Variants in KIF6 observed in about 807,000 individuals in gnomAD.
KIF6 encodes kinesin family member 6, also known as kinesin-like protein KIF6.
A neutral mutation model predicts 112.7 loss-of-function variants in KIF6; 106 were observed. That is an observed-to-expected ratio of 0.94 (90% CI 0.80 to 1.11). KIF6 has a LOEUF of 1.11. KIF6 is among the 50% of genes least tolerant of loss of function. The probability of loss-of-function intolerance (pLI) is 0.00; values close to 1 mark genes in which losing one functional copy is unlikely to be tolerated. For missense variants in KIF6, 929 were observed against 964.0 expected (o/e 0.96, Z 0.48); for synonymous variants, 339 against 339.9 (o/e 1.00, Z 0.03).
intron 10 of KIF6, among the ~76,000 whole-genome samples, chr6:39,573,258 A>G (rs374339393): frequency 3.9e-4 from 60 of 152,228 alleles, no homozygotes; most frequent in African/African-American, 1.4e-3. Flanking sequence ...AAGCTGATTC[A>G]CATTCCTGAA....
rs575168840 is a variant in KIF6 at position 39,652,810 on chromosome 6, C to A, written c.252-13053G>T. Reference sequence around the variant, plus strand: ...CACTTAGTAAGTGATAAGAGTAATACCAAAGTCTATTTGATTCTAAATATA... The same window carrying A: ...CACTTAGTAAGTGATAAGAGTAATAACAAAGTCTATTTGATTCTAAATATA... On this transcript the variant is annotated intron_variant, in intron 3 of 22. Transcript: ENST00000287152. Among the ~76,000 whole-genome samples, 14 of 152,166 alleles carry A rather than the reference C, an allele frequency of 9.2e-5. No homozygotes were observed. In the East Asian group the frequency reaches 2.7e-3, roughly 29 times the overall value.
intron 21 of KIF6, 74 bp downstream of exon 21, chr6:39,345,626 A>C (rs1350513537): frequency 4.0e-6 from 5 of 1,244,568 alleles, no homozygotes; most frequent in Non-Finnish European, 5.7e-6. Context: ...TTTTTCGGGG[A>C]GTAGACTGGA....
chr6:39,713,755 T>C (rs1285995150), intron 3 of KIF6, among the ~76,000 whole-genome samples: 2 of 152,176 alleles, frequency 1.3e-5, no homozygotes, highest in African/African-American at 2.4e-5. Flanking sequence ...TCTGAAATAG[T>C]TTAAGCCTAC....
chr6:39,452,435 C>T (rs192801713), intron 13 of KIF6, among the ~76,000 whole-genome samples: 14 of 152,334 alleles, frequency 9.2e-5, no homozygotes. Context: ...ATTGGGTTCA[C>T]TAATGAGCTT....
chr6:39,568,930 A>T (rs1190265960), intron 10 of KIF6, among the ~76,000 whole-genome samples: 3 of 152,176 alleles, frequency 2.0e-5, no homozygotes, highest in Non-Finnish European at 2.9e-5. Context: ...TAGATGGTTT[A>T]GACTCTTCTG....
At chr6:39,454,188 A>C (rs1772883899) in intron 13 of KIF6, among the ~76,000 whole-genome samples, 1 of 152,218 alleles carries the variant, frequency 6.6e-6, no homozygotes, top group Non-Finnish European at 1.5e-5. Flanking sequence ...TTTAAGCTTC[A>C]GACACTTTTT....
At chr6:39,579,674 A>T (rs576311583) in intron 9 of KIF6, among the ~76,000 whole-genome samples, 1 of 152,202 alleles carries the variant, frequency 6.6e-6, no homozygotes, top group South Asian at 2.1e-4. Flanking sequence ...ATATTCTTAT[A>T]TGATCTTTTA....
At position 39,607,033 on chromosome 6, in the gene KIF6, G is replaced by A. The variant is rs111535628; in HGVS notation, c.639+6156C>T. On this transcript the variant is annotated intron_variant, in intron 6 of 22. Coordinates refer to ENST00000287152, the MANE Select transcript of KIF6 (RefSeq NM_145027.6). Reference sequence around the variant, plus strand: ...ATGGCTATTTCCTTGTTTCACTGAAGATGGCTTTTTTCTCCTCTCTTTCAT... The same window carrying A: ...ATGGCTATTTCCTTGTTTCACTGAAAATGGCTTTTTTCTCCTCTCTTTCAT... 9.4e-3 allele frequency among the ~76,000 whole-genome samples: 1,433 copies of A among 152,264 alleles called. 8 individuals are homozygous for A. Among genetic ancestry groups the A allele is most frequent in the Non-Finnish European group, 0.013 (914 of 68,016 alleles).
At chr6:39,354,769 C>T (rs1480129424) in intron 19 of KIF6, among the ~76,000 whole-genome samples, 1 of 152,218 alleles carries the variant, frequency 6.6e-6, no homozygotes, top group African/African-American at 2.4e-5. Context: ...ACCATGATTT[C>T]ATTAATTTCA....
Position 39,446,853 on chromosome 6 carries a change from G to C in KIF6, c.1646-15692C>G, listed in dbSNP as rs916983416. ...ACTTATGTCTTTAATGTAGTTTTCT[G>C]TGAATATATTTTATATAAAAATAAA... is the stretch of plus-strand genomic sequence containing the variant. On this transcript the variant is annotated intron_variant, in intron 13 of 22. Coordinates refer to ENST00000287152, the MANE Select transcript of KIF6 (RefSeq NM_145027.6). Among the ~76,000 whole-genome samples, 6 of 152,202 alleles carry C rather than the reference G, an allele frequency of 3.9e-5. No individual in the cohort carries two copies. The South Asian group carries it at 6.2e-4, about 16-fold the overall frequency.
At chr6:39,353,937 C>A in intron 19 of KIF6, 1 of 574,056 alleles carries the variant, frequency 1.7e-6, no homozygotes. Flanking sequence ...GGGGGTGCCA[C>A]TGCTCTGCAG....
chr6:39,654,078 CA>C (rs1193380667), intron 3 of KIF6, among the ~76,000 whole-genome samples: 7 of 152,170 alleles, frequency 4.6e-5, no homozygotes, highest in Non-Finnish European at 1.0e-4. Flanking sequence ...CTACTCTTTA[CA>C]AAGATGACAA....
rs557542738 is a variant in KIF6, at chr6:39,451,037, C to T, written c.1646-19876G>A. ...AATATTCACCATTGTAGTCCATTCT[C>T]TAATGCTGGATTTTACATTGCTTTA... On this transcript the variant is annotated intron_variant, in intron 13 of 22. Coordinates refer to ENST00000287152, the MANE Select transcript of KIF6 (RefSeq NM_145027.6). Among the ~76,000 whole-genome samples the T allele has an allele frequency of 2.6e-5, 4 of 152,226 alleles. No individual in the cohort carries two copies. The East Asian group carries it at 7.7e-4, about 29-fold the overall frequency.
intron 3 of KIF6, among the ~76,000 whole-genome samples, chr6:39,684,135 T>A (rs1457699209): frequency 6.6e-6 from 1 of 152,204 alleles, no homozygotes; most frequent in Admixed American, 6.5e-5. Flanking sequence ...GCTAGTCAGC[T>A]CTTGCCCTGC....
intron 13 of KIF6, among the ~76,000 whole-genome samples, chr6:39,494,426 T>C (rs1039515243): frequency 6.6e-6 from 1 of 152,146 alleles, no homozygotes; most frequent in Admixed American, 6.5e-5. Flanking sequence ...AGAAGGAAAA[T>C]ACTGTATTTT....
At chr6:39,666,661 C>T (rs779117244) in intron 3 of KIF6, among the ~76,000 whole-genome samples, 3 of 152,240 alleles carry the variant, frequency 2.0e-5, no homozygotes, top group Admixed American at 6.5e-5. Flanking sequence ...CTGAGCTTCT[C>T]GAATTCTTTT....
In KIF6 at chr6:39,343,675, G is replaced by T. The variant is rs765519694; in HGVS notation, c.2428+34C>A. On this transcript the variant is annotated intron_variant, in intron 22 of 22. Transcript: ENST00000287152. The surrounding 1 kb of genome is among the most constrained non-coding windows in gnomAD (Gnocchi z 4.1). Reference sequence around the variant, plus strand: ...TCCCCACAAGTGTTGGTGACCTGCTGCCCAGGAGGAGCCACCGAGGGAGGT... The same window carrying T: ...TCCCCACAAGTGTTGGTGACCTGCTTCCCAGGAGGAGCCACCGAGGGAGGT... 4.0e-6 allele frequency: 6 copies of T among 1,507,634 alleles called. No individual in the cohort carries two copies. The highest frequency in any genetic ancestry group is 5.5e-6 in the Non-Finnish European group (6 of 1,098,648). 93.4% of individuals were successfully genotyped at this position (1,507,634 alleles called of 1,614,324 possible).
intron 13 of KIF6, among the ~76,000 whole-genome samples, chr6:39,437,848 G>A (rs1488009390): frequency 6.6e-6 from 1 of 152,164 alleles, no homozygotes; most frequent in African/African-American, 2.4e-5. Flanking sequence ...TGATGCTGGT[G>A]TAAATAAACC....
chr6:39,363,163 A>AAAAC (rs1170720505), intron 16 of KIF6, among the ~76,000 whole-genome samples: 1 of 152,176 alleles, frequency 6.6e-6, no homozygotes, highest in Admixed American at 6.5e-5. Context: ...CAAACAAACA[A>AAAAC]AAACAAACAG....
Sources: allele counts gnomAD v4.1 joint callset (sites outside exome capture counted in the v4.1 genomes callset), GRCh38; gene constraint gnomAD v4.1.1; non-coding constraint Gnocchi (gnomAD v3.1); transcripts MANE v1.5; gene names NCBI Gene and HGNC (gene_info 2026-07-23, HGNC 2026-07-21).